The following PCDHGA3 variants were observed in gnomAD, a reference collection of about 807,000 sequenced individuals.
The protein encoded by PCDHGA3 is protocadherin gamma subfamily A, 3, also known as protocadherin gamma-A3.
In PCDHGA3, 40 loss-of-function variants were observed where a neutral mutation model predicts 58.5. That is an observed-to-expected ratio of 0.68 (90% CI 0.53 to 0.89). PCDHGA3 has a LOEUF of 0.89. PCDHGA3 is among the 40% of genes least tolerant of loss of function. PCDHGA3 has a pLI of 0.00. For synonymous variants in PCDHGA3, 530 were observed against 525.7 expected (o/e 1.01, Z -0.11); for missense variants, 1,223 against 1,195.9 (o/e 1.02, Z -0.33).
chr5:141,381,153 G>A (rs1345573365), intron 1 of PCDHGA3, among the ~76,000 whole-genome samples: 3 of 152,196 alleles, frequency 2.0e-5, no homozygotes, highest in Non-Finnish European at 4.4e-5. Context: ...GCAGAAATAG[G>A]TTACTTAGGA....
intron 1 of PCDHGA3, chr5:141,426,767 A>C (rs1219028777): frequency 2.2e-6 from 1 of 456,666 alleles, no homozygotes. Flanking sequence ...ATGCAGATGT[A>C]GGGCCTCACT....
At chr5:141,404,521 G>A in intron 1 of PCDHGA3, 2 of 1,613,976 alleles carry the variant, frequency 1.2e-6, no homozygotes, top group Non-Finnish European at 1.7e-6. Flanking sequence ...TTGACTATGA[G>A]CAGTTTAGAG....
At position 141,510,984 on chromosome 5, in the gene PCDHGA3, C is replaced by T. The variant is rs375865663; in HGVS notation, c.2610C>T (p.Ala870=). The change falls in exon 4 of 4, where the codon GCC becomes GCT. Residue 870 remains alanine (A), a synonymous_variant. Coordinates refer to ENST00000253812, the MANE Select transcript of PCDHGA3 (RefSeq NM_018916.4). ...GGAGCTCCACCCTGGGAGGGGGTGC[C>T]GGCACCATGGGATTGAGCGCCCGCT... The part of the protein sequence containing the change: ...ADGSSTLGGG[A]GTMGLSARYG... 20 of 1,614,044 alleles carry T rather than the reference C, an allele frequency of 1.2e-5. No homozygotes were observed. The East Asian group carries it at 1.6e-4, about 13-fold the overall frequency.
chr5:141,437,076 A>T (rs1018228245), intron 1 of PCDHGA3, among the ~76,000 whole-genome samples: 2 of 152,236 alleles, frequency 1.3e-5, no homozygotes, highest in African/African-American at 4.8e-5. Context: ...TTTGGGCCAT[A>T]TAAGAATTGA....
In PCDHGA3 at chr5:141,476,877, T is replaced by C. The variant is rs2099400648; in HGVS notation, c.2425-17930T>C. ...CAGTCCTTGTACCGGGCGCGCGTCC[T>C]GGAGGATGCACCCTCCGGCACGCGC... On this transcript the variant is annotated intron_variant, in intron 1 of 3. Transcript: ENST00000253812. This position sits in a 1 kb window ranked among gnomAD's most constrained non-coding sequence, Gnocchi z 7.6. 4.3e-6 allele frequency: 7 copies of C among 1,613,954 alleles called. No homozygotes were observed. The highest frequency in any genetic ancestry group is 5.9e-6 in the Non-Finnish European group (7 of 1,180,038).
intron 1 of PCDHGA3, chr5:141,374,743 T>A: frequency 6.2e-7 from 1 of 1,611,970 alleles, no homozygotes; most frequent in Non-Finnish European, 8.5e-7. Context: ...GCGGCGACCC[T>A]GTCCGCTCAA....
intron 1 of PCDHGA3, among the ~76,000 whole-genome samples, chr5:141,430,243 T>C (rs1020416761): frequency 5.6e-5 from 6 of 106,478 alleles, no homozygotes; most frequent in African/African-American, 3.0e-4. Flanking sequence ...GAGAAACTCC[T>C]AGGGAGACAT....
chr5:141,510,853 CTGT>C, intron 3 of PCDHGA3, 91 bp from the exon 4 acceptor site: 3 of 1,601,238 alleles, frequency 1.9e-6, no homozygotes, highest in Middle Eastern at 1.7e-4. Context: ...GCCCAGGGTG[CTGT>C]ATAGGCATTC....
intron 1 of PCDHGA3, chr5:141,399,873 C>T (rs1331485851): frequency 1.9e-6 from 3 of 1,612,836 alleles, no homozygotes; most frequent in Non-Finnish European, 2.5e-6. Context: ...AGCCCGGCTA[C>T]CTGGTGACCA....
At position 141,414,719 on chromosome 5, in the gene PCDHGA3, C is replaced by T. The variant is rs1361757630; in HGVS notation, c.2424+68262C>T. On this transcript the variant is annotated intron_variant, in intron 1 of 3. Transcript: ENST00000253812. ...TCATACATATCCATCAACTCAGACA[C>T]TGGCGTCCTGTATGCACTCAGATCC... The T allele has an allele frequency of 1.2e-6, 2 of 1,614,050 alleles. No individual in the cohort carries two copies. Among genetic ancestry groups the T allele is most frequent in the African/African-American group, 1.3e-5 (1 of 74,934 alleles).
chr5:141,409,766 C>G, intron 1 of PCDHGA3: 1 of 1,612,910 alleles, frequency 6.2e-7, no homozygotes, highest in Non-Finnish European at 8.5e-7. Context: ...CGCCTTTGAT[C>G]ACGAGCAGCT....
intron 1 of PCDHGA3, among the ~76,000 whole-genome samples, chr5:141,450,267 C>T (rs971441306): frequency 4.6e-5 from 7 of 152,106 alleles, no homozygotes; most frequent in African/African-American, 1.7e-4. Context: ...ATCTGCCCAC[C>T]TCAGCTAAGT....
chr5:141,467,736 G>A (rs1435480730), intron 1 of PCDHGA3, among the ~76,000 whole-genome samples: 1 of 151,902 alleles, frequency 6.6e-6, no homozygotes, highest in Non-Finnish European at 1.5e-5. Flanking sequence ...ATCCCAGCTC[G>A]CTGCAACCTC....
chr5:141,375,125 G>C (rs376049572), intron 1 of PCDHGA3: 128 of 1,613,766 alleles, frequency 7.9e-5, no homozygotes, highest in African/African-American at 1.3e-5. Context: ...ACCAGAAGTG[G>C]TTGTTACATC....
rs1259021130 is a variant in PCDHGA3 at position 141,485,083 on chromosome 5, G to C, written c.2425-9724G>C. ...GCGCCAGAGCTGGCGCGGGGAAAGG[G>C]AGATAGGTGTCTCCAGCTGCTGTGG... On this transcript the variant is annotated intron_variant, in intron 1 of 3. Coordinates refer to ENST00000253812, the MANE Select transcript of PCDHGA3 (RefSeq NM_018916.4). The surrounding 1 kb of genome is among the most constrained non-coding windows in gnomAD (Gnocchi z 5.7). The C allele has an allele frequency of 1.0e-6, 1 of 989,386 alleles. No homozygotes were observed. The highest frequency in any genetic ancestry group is 1.6e-5 in the African/African-American group (1 of 61,992). 61.3% of individuals were successfully genotyped at this position (989,386 alleles called of 1,614,324 possible).
chr5:141,419,010 G>A (rs2096312778), intron 1 of PCDHGA3: 2 of 1,613,866 alleles, frequency 1.2e-6, no homozygotes, highest in Non-Finnish European at 8.5e-7. Flanking sequence ...GAAGTCAGGT[G>A]TAGCTTAAGT....
intron 1 of PCDHGA3, chr5:141,360,559 AT>A: frequency 1.2e-6 from 2 of 1,614,032 alleles, no homozygotes; most frequent in Non-Finnish European, 8.5e-7. Flanking sequence ...TAATTTAAAA[AT>A]TGGCGAATCC....
At chr5:141,463,460 T>TTC (rs573961569) in intron 1 of PCDHGA3, among the ~76,000 whole-genome samples, 28 of 136,126 alleles carry the variant, frequency 2.1e-4, no homozygotes, top group Admixed American at 4.4e-4. Context: ...TTTTTTTTTT[T>TTC]TTTTTTGAGA....
intron 1 of PCDHGA3, chr5:141,478,583 C>CT (rs754743497): frequency 5.7e-6 from 9 of 1,578,146 alleles, no homozygotes; most frequent in South Asian, 1.1e-5. Flanking sequence ...CCTGTTAGTG[C>CT]TTTTTTATTC....
Sources: gnomAD v4.1 joint callset for allele counts (sites outside exome capture counted in the v4.1 genomes callset) on GRCh38, gnomAD v4.1.1 for gene constraint, Gnocchi (gnomAD v3.1) non-coding constraint, MANE v1.5 for transcripts, NCBI Gene and HGNC (gene_info 2026-07-23, HGNC 2026-07-21) for gene names.